SLC25A26: variants seen among roughly 807,000 people sequenced by gnomAD.
SLC25A26 encodes mitochondrial S-adenosylmethionine carrier protein.
SLC25A26 carries 36 observed loss-of-function variants against 37.8 expected under a neutral mutation model. The ratio of observed to expected loss-of-function variants is 0.95; its 90% CI spans 0.73 to 1.26. SLC25A26 has a LOEUF of 1.26. Ranked by LOEUF, SLC25A26 falls within the 50% of genes most tolerant of loss-of-function variation. SLC25A26 has a pLI of 0.00. For missense variants in SLC25A26, 390 were observed against 331.1 expected (o/e 1.18, Z -1.38); for synonymous variants, 129 against 122.5 (o/e 1.05, Z -0.35).
intron 1 of SLC25A26, among the ~76,000 whole-genome samples, chr3:66,186,200 C>G (rs1318280746): frequency 6.6e-6 from 1 of 152,024 alleles, no homozygotes; most frequent in Non-Finnish European, 1.5e-5. Context: ...GTCCCTTATC[C>G]TAAACATGAC....
chr3:66,243,891 G>A (rs1461664794), intron 3 of SLC25A26, among the ~76,000 whole-genome samples: 1 of 152,104 alleles, frequency 6.6e-6, no homozygotes, highest in Non-Finnish European at 1.5e-5. Flanking sequence ...CAAATTCTAG[G>A]TCAGATTTGT....
rs181763697 is a variant in SLC25A26 at position 66,298,946 on chromosome 3, G to C, written c.453+35567G>C. Among the ~76,000 whole-genome samples, 9 of 152,234 alleles carry C rather than the reference G, an allele frequency of 5.9e-5. No homozygotes were observed. In the East Asian group the frequency reaches 1.2e-3, roughly 20 times the overall value. On this transcript the variant is annotated intron_variant, in intron 5 of 9. Transcript: ENST00000354883. ...ACATAGAAACAGTATGCTAACAAGG[G>C]AAAAATTTTAACATAAAAACTCACT...
intron 1 of SLC25A26, among the ~76,000 whole-genome samples, chr3:66,208,809 G>GTT (rs2071219496): frequency 5.2e-5 from 2 of 38,520 alleles, no homozygotes; most frequent in Admixed American, 6.1e-4. Context: ...CCTTTACATG[G>GTT]GTATATATAT....
At chr3:66,152,343 A>T (rs929903520) in intron 1 of SLC25A26, among the ~76,000 whole-genome samples, 2 of 152,184 alleles carry the variant, frequency 1.3e-5, no homozygotes, top group Non-Finnish European at 2.9e-5. Flanking sequence ...ATCAATGAGG[A>T]TGCTTTTGGT....
chr3:66,148,177 C>T (rs996197755), intron 1 of SLC25A26, among the ~76,000 whole-genome samples: 13 of 152,180 alleles, frequency 8.5e-5, no homozygotes, highest in African/African-American at 3.1e-4. Flanking sequence ...GTTTGTTCTT[C>T]ATTTGTATAT....
rs183165241 is a variant in SLC25A26 at position 66,259,971 on chromosome 3, G to T, written c.301-2080G>T. 5.3e-5 allele frequency among the ~76,000 whole-genome samples: 8 copies of T among 152,288 alleles called. No homozygotes were observed. In the East Asian group the frequency reaches 1.5e-3, roughly 29 times the overall value. ...GCAGCTGCCAGCTTTGGAATACTGT[G>T]TTGGTGGGACTGCCGCTGATTCCCC... is the stretch of plus-strand genomic sequence containing the variant. On this transcript the variant is annotated intron_variant, in intron 3 of 9. Coordinates refer to ENST00000354883, the MANE Select transcript of SLC25A26 (RefSeq NM_001379210.1).
At chr3:66,191,728 A>G (rs1202538633) in intron 1 of SLC25A26, among the ~76,000 whole-genome samples, 1 of 151,866 alleles carries the variant, frequency 6.6e-6, no homozygotes, top group Admixed American at 6.6e-5. Flanking sequence ...CATCTCTACT[A>G]AAAATACAGA....
At chr3:66,302,048 AATG>A (rs2075091520) in intron 5 of SLC25A26, among the ~76,000 whole-genome samples, 1 of 152,190 alleles carries the variant, frequency 6.6e-6, no homozygotes, top group African/African-American at 2.4e-5. Flanking sequence ...TTGTGATGAT[AATG>A]ATGATAATAT....
chr3:66,198,818 C>T (rs1375887653), intron 1 of SLC25A26, among the ~76,000 whole-genome samples: 2 of 152,028 alleles, frequency 1.3e-5, no homozygotes, highest in Admixed American at 6.6e-5. Context: ...ACACTTTGAC[C>T]CTGACCCTTA....
chr3:66,249,534 C>G (rs782423698), intron 3 of SLC25A26, among the ~76,000 whole-genome samples: 3 of 152,124 alleles, frequency 2.0e-5, no homozygotes, highest in African/African-American at 4.8e-5. Context: ...AAAATGAGTA[C>G]GTAGTATTCT....
chr3:66,242,403 T>C (rs1459408993), intron 2 of SLC25A26, among the ~76,000 whole-genome samples: 1 of 152,216 alleles, frequency 6.6e-6, no homozygotes, highest in Non-Finnish European at 1.5e-5. Context: ...TAGCCTAGTG[T>C]ATATTTGTTA....
intron 6 of SLC25A26, among the ~76,000 whole-genome samples, chr3:66,352,996 G>A (rs184625596): frequency 1.3e-5 from 2 of 152,034 alleles, no homozygotes; most frequent in East Asian, 1.9e-4. Context: ...AATTATTTAC[G>A]ACATCAGTGG....
chr3:66,199,033 T>G (rs1159938084), intron 1 of SLC25A26, among the ~76,000 whole-genome samples: 5 of 151,774 alleles, frequency 3.3e-5, no homozygotes, highest in Non-Finnish European at 7.4e-5. Context: ...AGCCTGACCC[T>G]TACTCTGATC....
intron 5 of SLC25A26, chr3:66,323,860 G>T (rs1222427715): frequency 6.6e-6 from 1 of 152,210 alleles, no homozygotes; most frequent in Non-Finnish European, 1.5e-5. Flanking sequence ...GACATACTGG[G>T]TGTGGTGGTG....
chr3:66,259,086 G>A (rs1160935181), intron 3 of SLC25A26, among the ~76,000 whole-genome samples: 1 of 152,096 alleles, frequency 6.6e-6, no homozygotes, highest in Non-Finnish European at 1.5e-5. Flanking sequence ...TCCTGCCAGG[G>A]TAGGAGGGGA....
At chr3:66,199,231 G>C (rs1402897012) in intron 1 of SLC25A26, among the ~76,000 whole-genome samples, 4 of 150,842 alleles carry the variant, frequency 2.7e-5, no homozygotes, top group African/African-American at 9.9e-5. Context: ...CCCTGAACCT[G>C]ACTCTCACCC....
At chr3:66,313,174 T>C (rs2075431999) in intron 5 of SLC25A26, among the ~76,000 whole-genome samples, 1 of 152,210 alleles carries the variant, frequency 6.6e-6, no homozygotes, top group Non-Finnish European at 1.5e-5. Flanking sequence ...CTATTGCTTT[T>C]GGCGATTTTG....
chr3:66,321,144 C>G (rs2075682594), intron 5 of SLC25A26, among the ~76,000 whole-genome samples: 1 of 152,108 alleles, frequency 6.6e-6, no homozygotes, highest in Non-Finnish European at 1.5e-5. Context: ...GTGAAAAGAC[C>G]AAGAGCATTA....
chr3:66,207,161 G>T (rs1002348688), intron 1 of SLC25A26, among the ~76,000 whole-genome samples: 1 of 152,080 alleles, frequency 6.6e-6, no homozygotes, highest in African/African-American at 2.4e-5. Context: ...TCTGTGCCTT[G>T]TTAGGAGACC....
Sources: gnomAD v4.1 joint callset for allele counts (sites outside exome capture counted in the v4.1 genomes callset) on GRCh38, gnomAD v4.1.1 for gene constraint, MANE v1.5 for transcripts, NCBI Gene and HGNC (gene_info 2026-07-23, HGNC 2026-07-21) for gene names.